The following CP variants were observed in gnomAD, a reference collection of about 807,000 sequenced individuals.
CP encodes the protein caeruloplasmin.
In CP, 64 loss-of-function variants were observed where a neutral mutation model predicts 122.4. The ratio of observed to expected loss-of-function variants is 0.52; its 90% confidence interval spans 0.43 to 0.64. The LOEUF (loss-of-function observed/expected upper bound fraction) is 0.64, where lower values mean the gene tolerates loss of function less well. Ranked by LOEUF, CP falls within the 30% of genes least tolerant of loss-of-function variation. The pLI is 0.00. For synonymous variants in CP, 440 were observed against 436.4 expected, an observed-to-expected ratio of 1.01 and a Z score of -0.10; for missense variants, 1,167 against 1,284.4, an observed-to-expected ratio of 0.91 and a Z score of 1.40.
At position 149,173,475 on chromosome 3, in the gene CP, T is replaced by A; in HGVS notation, c.*239A>T. The A allele has an allele frequency of 2.8e-6, 1 of 360,074 alleles. No homozygotes were observed. The allele number at this position is 360,074 out of a possible 1,614,324, so 22.3% of individuals were successfully genotyped here. A position where few individuals can be genotyped will look rare whatever the true frequency, so the allele number is the denominator to read the frequency against. ...ACAGCGGTGATATCATTAGACTGTA[T>A]GAATCAGTTTTATTACCTAGTGTAC... On this transcript the variant is annotated 3_prime_UTR_variant, in exon 19 of 19. Transcript: ENST00000264613.
downstream of CP, among the ~76,000 whole-genome samples, chr3:149,170,096 C>G (rs1724823325): frequency 6.6e-6 from 1 of 152,110 alleles, no homozygotes; most frequent in South Asian, 2.1e-4. Flanking sequence ...TAAATAAAAA[C>G]CTCAAAGGAT....
In CP at chr3:149,176,494, A is replaced by G. The variant is rs552993671; in HGVS notation, c.3019-82T>C. On this transcript the variant is annotated intron_variant, in intron 17 of 18. Coordinates refer to ENST00000264613, the MANE Select transcript of CP (RefSeq NM_000096.4). ...TCATTTGTTAATGTTCAGCTCAGGG[A>G]TATTGAAAAAATGGATAAATCTGTT... The G allele has an allele frequency of 1.7e-5, 19 of 1,132,600 alleles. No individual in the cohort carries two copies. The South Asian group carries it at 2.4e-4, about 14-fold the overall frequency. The allele number at this position is 1,132,600 out of a possible 1,614,324, so 70.2% of individuals were successfully genotyped here. A position where few individuals can be genotyped will look rare whatever the true frequency, so the allele number is the denominator to read the frequency against.
chr3:149,189,107 A>G (rs1576746852), intron 9 of CP, among the ~76,000 whole-genome samples: 1 of 152,356 alleles, frequency 6.6e-6, no homozygotes, highest in East Asian at 1.9e-4. Flanking sequence ...AGGAAGAGGC[A>G]CAATCATAAG....
Position 149,212,538 on chromosome 3 carries a change from C to G in CP, c.307G>C (p.Asp103His). The G allele has an allele frequency of 6.2e-7, 1 of 1,613,970 alleles. No homozygotes were observed. The highest frequency in any genetic ancestry group is 8.5e-7 in the Non-Finnish European group (1 of 1,179,972). Reference sequence around the variant, plus strand: ...TTTTTTAAGTGTACATAAACTTTATCTCCAGTTTCAGCTTTGATAATAGGG... The same window carrying G: ...TTTTTTAAGTGTACATAAACTTTATGTCCAGTTTCAGCTTTGATAATAGGG... Reference protein sequence around the residue: ...LGPIIKAETGDKVYVHLKNLA... With the variant: ...LGPIIKAETGHKVYVHLKNLA... Residue 103 changes from aspartate to histidine, a missense_variant, in exon 2 of 19, where the codon GAT becomes CAT. By Grantham distance (81) the Asp-to-His change is moderately conservative (BLOSUM62 -1). Transcript: ENST00000264613.
chr3:149,197,025 G>A (rs7632958), intron 9 of CP, among the ~76,000 whole-genome samples: 14,668 of 151,894 alleles, frequency 0.097, 2,337 homozygotes, highest in African/African-American at 0.34. Flanking sequence ...GCTCATCCTG[G>A]CTCAAAAAGC....
At chr3:149,190,337 C>G (rs1200649261) in intron 9 of CP, among the ~76,000 whole-genome samples, 1 of 152,012 alleles carries the variant, frequency 6.6e-6, no homozygotes, top group African/African-American at 2.4e-5. Flanking sequence ...TGGACTAGTA[C>G]TCATGGATGA....
rs764073986 is a variant in CP at position 149,186,701 on chromosome 3, C to T, written c.1896G>A (p.Pro632=). The stretch of plus-strand genomic sequence containing the variant: ...AATCTCCTTTGCACATAGTGAGACC[C>T]GGCTGATTCCCATACATGAATCCAT... ...SMNGFMYGNQ[P]GLTMCKGDSV... is the part of the protein sequence containing the mutation. Residue 632 remains proline (P), a synonymous_variant, in exon 11 of 19, where the codon CCG becomes CCA. Coordinates refer to ENST00000264613, the MANE Select transcript of CP (RefSeq NM_000096.4). 7.4e-6 allele frequency: 12 copies of T among 1,613,986 alleles called. No individual in the cohort carries two copies. In the East Asian group the frequency reaches 1.3e-4, roughly 18 times the overall value.
At chr3:149,181,979 A>ACTC in intron 14 of CP, 26 bp downstream of exon 14, 1 of 515,794 alleles carries the variant, frequency 1.9e-6, no homozygotes. Flanking sequence ...AAAATGCACC[A>ACTC]CCCCCACCCC....
At chr3:149,218,106 A>G (rs16861636) in intron 1 of CP, 16,290 of 168,746 alleles carry the variant, frequency 0.097, 1,118 homozygotes, top group East Asian at 0.35. Flanking sequence ...CCGTTCGTAT[A>G]CTTAAAAAAA....
intron 13 of CP, among the ~76,000 whole-genome samples, chr3:149,182,495 T>C (rs1309075638): frequency 1.3e-5 from 2 of 152,132 alleles, no homozygotes; most frequent in Admixed American, 1.3e-4. Context: ...AACAATGCCA[T>C]TTTGCCTTGG....
intron 5 of CP, chr3:149,163,966 C>T (rs1178729691): frequency 1.7e-6 from 2 of 1,203,734 alleles, no homozygotes; most frequent in Non-Finnish European, 2.5e-6. Flanking sequence ...AAAAATACCT[C>T]CTTTTCTTAT....
At chr3:149,221,598 A>G in intron 1 of CP, 49 bp downstream of exon 1, 1 of 1,558,794 alleles carries the variant, frequency 6.4e-7, no homozygotes. Flanking sequence ...TCTATCCTTT[A>G]AAAATAACTT....
chr3:149,181,979 A>ACCACCACCCCC, intron 14 of CP, 26 bp downstream of exon 14: 1 of 515,796 alleles, frequency 1.9e-6, no homozygotes, highest in East Asian at 5.8e-5. Flanking sequence ...AAAATGCACC[A>ACCACCACCCCC]CCCCCACCCC....
At chr3:149,202,605 CTTTTTTTTTTT>C (rs34873592) in intron 6 of CP, among the ~76,000 whole-genome samples, 2 of 106,814 alleles carry the variant, frequency 1.9e-5, no homozygotes, top group Admixed American at 1.1e-4. Context: ...TGTTGTTTGT[CTTTTTTTTTTT>C]TTTTTTTTTT....
intron 6 of CP, among the ~76,000 whole-genome samples, chr3:149,203,207 C>T (rs1188310969): frequency 6.6e-6 from 1 of 152,078 alleles, no homozygotes; most frequent in Non-Finnish European, 1.5e-5. Flanking sequence ...GCGCCCGGCC[C>T]CAGTGGCTAC....
chr3:149,182,120 A>C lies in CP; in HGVS notation c.2439T>G (p.His813Gln). 3 of 1,614,122 alleles carry C rather than the reference A, an allele frequency of 1.9e-6. No individual in the cohort carries two copies. The highest frequency in any genetic ancestry group is 2.5e-6 in the Non-Finnish European group (3 of 1,179,972). The stretch of plus-strand genomic sequence containing the variant: ...TTTTGACTTTGTCTCCAACATCTGC[A>C]TGAAGTTGTGGACCTGGCAAAAGTG... ...EHLGILGPQL[H>Q]ADVGDKVKII... is the part of the protein sequence containing the mutation. The change falls in exon 14 of 19, where the codon CAT (histidine) becomes CAG (glutamine). Residue 813 changes from histidine to glutamine, a missense_variant. Transcript: ENST00000264613.
At chr3:149,200,312 C>G (rs978316475) in intron 7 of CP, among the ~76,000 whole-genome samples, 1 of 151,876 alleles carries the variant, frequency 6.6e-6, no homozygotes, top group African/African-American at 2.4e-5. Flanking sequence ...TTAATGATTA[C>G]CAATTATAGA....
Position 149,179,570 on chromosome 3 carries a change from C to T in CP, c.2647G>A (p.Val883Met). The T allele has an allele frequency of 6.2e-7, 1 of 1,612,784 alleles. No homozygotes were observed. Among genetic ancestry groups the T allele is most frequent in the Non-Finnish European group, 8.5e-7 (1 of 1,178,902 alleles). ...ACIPWAYYST[V>M]DQVKDLYSGL... ...TTGTATTTTACCTTAACTTGATCCA[C>T]AGTTGAATAATAAGCCCATGGAATA... is the stretch of plus-strand genomic sequence containing the variant. The change falls in exon 15 of 19, where the codon GTG becomes ATG. Residue 883 changes from valine to methionine, a missense_variant. By Grantham distance (21) the Val-to-Met change is conservative. Coordinates refer to ENST00000264613, the MANE Select transcript of CP (RefSeq NM_000096.4).
intron 4 of CP, chr3:149,167,269 C>A: frequency 6.5e-7 from 1 of 1,548,052 alleles, no homozygotes; most frequent in Non-Finnish European, 8.9e-7. Context: ...TGTTTTTAGG[C>A]TTGATCAGTG....
Sources: gnomAD v4.1 joint callset for allele counts (sites outside exome capture counted in the v4.1 genomes callset) on GRCh38, gnomAD v4.1.1 for gene constraint, MANE v1.5 for transcripts, NCBI Gene and HGNC (gene_info 2026-07-23, HGNC 2026-07-21) for gene names.